SLC17A6: variants seen among roughly 807,000 people sequenced by gnomAD.
The protein encoded by SLC17A6 is vesicular glutamate transporter 2.
A neutral mutation model predicts 67.1 loss-of-function variants in SLC17A6; 35 were observed. The observed-to-expected ratio is 0.52, with a 90% CI of 0.40 to 0.69. SLC17A6 has a LOEUF of 0.69. Among genes scored for constraint, SLC17A6 ranks in the 30% least tolerant of loss-of-function variants. The probability of loss-of-function intolerance (pLI) is 0.00; values close to 1 mark genes in which losing one functional copy is unlikely to be tolerated. For synonymous variants in SLC17A6, 285 were observed against 252.3 expected (o/e 1.13, Z -1.23); for missense variants, 588 against 723.9 (o/e 0.81, Z 2.15).
chr11:22,361,124 C>T, intron 5 of SLC17A6, 140 bp downstream of exon 5: 1 of 560,386 alleles, frequency 1.8e-6, no homozygotes, highest in Non-Finnish European at 3.2e-6. Flanking sequence ...TTTTTGACCA[C>T]CATTTCCATT....
chr11:22,363,837 A>G (rs938946080), intron 6 of SLC17A6, among the ~76,000 whole-genome samples: 1 of 152,084 alleles, frequency 6.6e-6, no homozygotes, highest in Non-Finnish European at 1.5e-5. Context: ...ACTCTTCATT[A>G]CATTTTCAAA....
At position 22,375,149 on chromosome 11, in the gene SLC17A6, G is replaced by T. The variant is rs1292271560; in HGVS notation, c.1174+262G>T. ...GCACTTTGGGAGGCCAAGGTGGGTG[G>T]ATCACGAGGTCAGGAGTTCAAGACC... On this transcript the variant is annotated intron_variant, in intron 9 of 11. Transcript: ENST00000263160. Among the ~76,000 whole-genome samples the T allele has an allele frequency of 2.0e-5, 3 of 151,930 alleles. No individual in the cohort carries two copies. In the East Asian group the frequency reaches 5.9e-4, roughly 30 times the overall value.
At chr11:22,365,428 A>G (rs1856100445) in intron 6 of SLC17A6, 119 bp from the exon 7 acceptor site, 4 of 1,200,492 alleles carry the variant, frequency 3.3e-6, no homozygotes, top group Non-Finnish European at 4.9e-6. Flanking sequence ...AGTTGGAGAA[A>G]CATAAGCTTG....
chr11:22,342,114 G>A (rs894275887), intron 2 of SLC17A6, among the ~76,000 whole-genome samples: 1 of 152,242 alleles, frequency 6.6e-6, no homozygotes, highest in African/African-American at 2.4e-5. Flanking sequence ...TGGATGAATA[G>A]TGTAGCATAT....
chr11:22,350,104 C>T (rs1176036830), intron 3 of SLC17A6, among the ~76,000 whole-genome samples: 1 of 152,032 alleles, frequency 6.6e-6, no homozygotes, highest in Non-Finnish European at 1.5e-5. Context: ...GGCTGTGGGT[C>T]ATAGAAAATA....
chr11:22,363,719 T>C (rs1235301503), intron 6 of SLC17A6, among the ~76,000 whole-genome samples: 1 of 152,186 alleles, frequency 6.6e-6, no homozygotes, highest in Non-Finnish European at 1.5e-5. Flanking sequence ...TCAAAAGCCA[T>C]GGATGGGTTT....
At chr11:22,345,835 A>G (rs1855869721) in intron 3 of SLC17A6, among the ~76,000 whole-genome samples, 1 of 152,166 alleles carries the variant, frequency 6.6e-6, no homozygotes, top group South Asian at 2.1e-4. Context: ...AAAAAATTAT[A>G]AAAATGATAA....
chr11:22,371,155 T>C (rs867577790), intron 8 of SLC17A6, among the ~76,000 whole-genome samples: 2 of 152,232 alleles, frequency 1.3e-5, no homozygotes, highest in Middle Eastern at 3.4e-3. Flanking sequence ...GTAAATCATA[T>C]ATCCATTCAA....
At chr11:22,345,437 G>T (rs954760430) in intron 3 of SLC17A6, among the ~76,000 whole-genome samples, 1 of 151,268 alleles carries the variant, frequency 6.6e-6, no homozygotes, top group Non-Finnish European at 1.5e-5. Flanking sequence ...TCAGCCTCCC[G>T]AGTAGTGGGA....
At chr11:22,362,922 A>G (rs1451590191) in intron 6 of SLC17A6, 97 bp downstream of exon 6, 4 of 834,430 alleles carry the variant, frequency 4.8e-6, no homozygotes, top group Middle Eastern at 2.3e-4. Context: ...ATACATTTCT[A>G]TGTTTACTTA....
chr11:22,361,253 C>T, intron 5 of SLC17A6: 1 of 289,830 alleles, frequency 3.5e-6, no homozygotes, highest in Non-Finnish European at 6.4e-6. Context: ...TTATAATACT[C>T]TTATACTGCA....
At chr11:22,358,311 G>T (rs943335392) in intron 3 of SLC17A6, among the ~76,000 whole-genome samples, 3 of 151,766 alleles carry the variant, frequency 2.0e-5, no homozygotes, top group Non-Finnish European at 4.4e-5. Context: ...AAACATTATA[G>T]AAGTGTTTGT....
Position 22,378,724 on chromosome 11 carries a change from T to C in SLC17A6, c.*984T>C, listed in dbSNP as rs1590398130. 1 of 152,360 alleles carries C rather than the reference T, an allele frequency of 6.6e-6. No individual in the cohort carries two copies. The highest frequency in any genetic ancestry group is 1.9e-4 in the East Asian group (1 of 5,184). The allele number at this position is 152,360 out of a possible 1,614,324, so 9.4% of individuals were successfully genotyped here. A position where few individuals can be genotyped will look rare whatever the true frequency, so the allele number is the denominator to read the frequency against. On this transcript the variant is annotated 3_prime_UTR_variant, in exon 12 of 12. Transcript: ENST00000263160. ...GAAACTTGTGCCACAGAGCTATATA[T>C]AATATGAAAAGATTAACTTCATAGA...
chr11:22,356,697 A>G (rs1490658806), intron 3 of SLC17A6, among the ~76,000 whole-genome samples: 1 of 152,164 alleles, frequency 6.6e-6, no homozygotes, highest in East Asian at 1.9e-4. Context: ...TTAGCCAGGC[A>G]TGTTGGCGTG....
chr11:22,377,787 T>C lies in SLC17A6; in HGVS notation c.*47T>C. 6.9e-7 allele frequency: 1 copy of C among 1,442,252 alleles called. No individual in the cohort carries two copies. The highest frequency in any genetic ancestry group is 2.4e-5 in the East Asian group (1 of 41,598). 89.3% of individuals were successfully genotyped at this position (1,442,252 alleles called of 1,614,324 possible). A position where few individuals can be genotyped will look rare whatever the true frequency, so the allele number is the denominator to read the frequency against. ...TTTTTAGTGTTTGTGATTAAATTCA[T>C]TGTGATTGCACAAAAATTTTAAAAA... On this transcript the variant is annotated 3_prime_UTR_variant, in exon 12 of 12. Transcript: ENST00000263160.
intron 11 of SLC17A6, among the ~76,000 whole-genome samples, chr11:22,377,103 AG>A (rs1054815526): frequency 1.6e-4 from 25 of 152,354 alleles, no homozygotes; most frequent in Admixed American, 3.3e-4. Flanking sequence ...AAAGAAACAA[AG>A]GAAATGGAAT....
Position 22,365,709 on chromosome 11 carries a change from G to A in SLC17A6, c.891+20G>A, listed in dbSNP as rs1283286580. ...ATGGAAGTAAGAAATTTATTATGGT[G>A]TATATTCCTATCTTATTCCCATCTC... is the stretch of plus-strand genomic sequence containing the variant. On this transcript the variant is annotated intron_variant, in intron 7 of 11. Transcript: ENST00000263160. 8 of 1,606,596 alleles carry A rather than the reference G, an allele frequency of 5.0e-6. No individual in the cohort carries two copies. Among genetic ancestry groups the A allele is most frequent in the South Asian group, 1.1e-5 (1 of 90,178 alleles).
chr11:22,377,351 G>A, intron 11 of SLC17A6, 54 bp from the exon 12 acceptor site: 1 of 1,462,438 alleles, frequency 6.8e-7, no homozygotes. Context: ...GAAGATGTTA[G>A]GCGTTTAAAT....
At chr11:22,339,377 T>C (rs1188872458) in intron 1 of SLC17A6, among the ~76,000 whole-genome samples, 1 of 151,626 alleles carries the variant, frequency 6.6e-6, no homozygotes, top group Admixed American at 6.6e-5. Context: ...TTTTAATTAT[T>C]TTCATCTCCT....
Sources: gnomAD v4.1 joint callset for allele counts (sites outside exome capture counted in the v4.1 genomes callset) on GRCh38, gnomAD v4.1.1 for gene constraint, MANE v1.5 for transcripts, NCBI Gene and HGNC (gene_info 2026-07-23, HGNC 2026-07-21) for gene names.